ACSBG1: variants seen among roughly 807,000 people sequenced by gnomAD.
ACSBG1 encodes acyl-CoA synthetase bubblegum family member 1.
ACSBG1 carries 39 observed loss-of-function variants against 80.2 expected under a neutral mutation model. That is an observed-to-expected ratio of 0.49 (90% CI 0.38 to 0.64). The LOEUF is 0.64. ACSBG1 is among the 30% of genes least tolerant of loss of function. The probability of loss-of-function intolerance (pLI) is 0.00; values close to 1 mark genes in which losing one functional copy is unlikely to be tolerated. For missense variants in ACSBG1, 828 were observed against 966.4 expected, an observed-to-expected ratio of 0.86 and a Z score of 1.90; for synonymous variants, 392 against 379.5, an observed-to-expected ratio of 1.03 and a Z score of -0.38.
intron 5 of ACSBG1, among the ~76,000 whole-genome samples, chr15:78,190,807 T>G (rs1412689339): frequency 6.6e-6 from 1 of 151,862 alleles, no homozygotes; most frequent in Non-Finnish European, 1.5e-5. Context: ...CAAACACTGA[T>G]ATAGTAACAA....
rs888230780 is a variant in ACSBG1 at position 78,169,125 on chromosome 15, C to A, written c.*2319G>T. The A allele has an allele frequency of 3.6e-6, 2 of 555,644 alleles. No individual in the cohort carries two copies. Among genetic ancestry groups the A allele is most frequent in the Non-Finnish European group, 6.2e-6 (2 of 322,606 alleles). 34.4% of individuals were successfully genotyped at this position (555,644 alleles called of 1,614,324 possible). ...GTTTCTTGACAGTACATTTTTAGATCTGGCCTTTTCTTAACAAAATCTGTG... is the reference window on the plus strand; with the variant it reads ...GTTTCTTGACAGTACATTTTTAGATATGGCCTTTTCTTAACAAAATCTGTG... On this transcript the variant is annotated 3_prime_UTR_variant, in exon 14 of 14. Coordinates refer to ENST00000258873, the MANE Select transcript of ACSBG1 (RefSeq NM_015162.5).
intron 5 of ACSBG1, among the ~76,000 whole-genome samples, chr15:78,189,198 T>C (rs1211096218): frequency 7.3e-5 from 11 of 150,008 alleles, no homozygotes. Flanking sequence ...CGTGGAGAAA[T>C]AGGAACACTT....
intron 2 of ACSBG1, 49 bp downstream of exon 2, chr15:78,207,953 C>T: frequency 1.0e-6 from 1 of 994,758 alleles, no homozygotes; most frequent in African/African-American, 1.6e-5. Flanking sequence ...ACACCCAGCA[C>T]AGCACAGTTT....
chr15:78,228,954 A>AT (rs1212538323), intron 1 of ACSBG1, among the ~76,000 whole-genome samples: 1 of 151,794 alleles, frequency 6.6e-6, no homozygotes, highest in African/African-American at 2.4e-5. Context: ...GTTATATTCT[A>AT]TTTTTTTTAA....
intron 3 of ACSBG1, 64 bp downstream of exon 3, chr15:78,194,442 G>C: frequency 1.3e-6 from 2 of 1,511,338 alleles, no homozygotes; most frequent in Non-Finnish European, 1.8e-6. Flanking sequence ...GGAGGCCTGT[G>C]AGGCCCAGAG....
rs1382610293 is a variant in ACSBG1 at position 78,179,760 on chromosome 15, G to A, written c.1274C>T (p.Thr425Ile). 2.5e-6 allele frequency: 4 copies of A among 1,613,080 alleles called. No homozygotes were observed. Among genetic ancestry groups the A allele is most frequent in the Non-Finnish European group, 3.4e-6 (4 of 1,179,802 alleles). Residue 425 changes from threonine (T) to isoleucine (I), a missense_variant, in exon 10 of 14, where the codon ACC becomes ATC. Around this residue, in one of 3 missense-constraint regions of ACSBG1, gnomAD observed 271 missense variants for 375.9 expected, o/e 0.72. Coordinates refer to ENST00000258873, the MANE Select transcript of ACSBG1 (RefSeq NM_015162.5). ...TAGCACCAGGTAATCTGCCAGTCTGGTTGTGAAGGGCTTCAGGTCGCTGGT... is the reference window on the plus strand; with the variant it reads ...TAGCACCAGGTAATCTGCCAGTCTGATTGTGAAGGGCTTCAGGTCGCTGGT... ...CPGSDLKPFT[T>I]RLADYLVLAK... is the part of the protein sequence containing the mutation.
chr15:78,221,334 C>T (rs897065861), intron 1 of ACSBG1, among the ~76,000 whole-genome samples: 11 of 152,010 alleles, frequency 7.2e-5, no homozygotes, highest in African/African-American at 2.4e-4. Context: ...TAACAGAATC[C>T]GTGTCATAAA....
intron 2 of ACSBG1, among the ~76,000 whole-genome samples, chr15:78,198,319 G>A (rs2075133458): frequency 6.6e-6 from 1 of 151,686 alleles, no homozygotes; most frequent in Non-Finnish European, 1.5e-5. Context: ...GGGATTACAG[G>A]CGTGAGCCAC....
chr15:78,179,004 G>T, intron 10 of ACSBG1, 173 bp from the exon 11 acceptor site: 1 of 634,370 alleles, frequency 1.6e-6, no homozygotes, highest in South Asian at 2.0e-5. Flanking sequence ...CCAAGTAAAG[G>T]GTTTTAGGGA....
Position 78,168,982 on chromosome 15 carries a change from C to T in ACSBG1, c.*2462G>A, listed in dbSNP as rs116374996. 6,749 of 1,598,718 alleles carry T rather than the reference C, an allele frequency of 4.2e-3. 31 individuals are homozygous for T. Among genetic ancestry groups the T allele is most frequent in the Non-Finnish European group, 5.3e-3 (6,142 of 1,167,200 alleles). On this transcript the variant is annotated 3_prime_UTR_variant, in exon 14 of 14. Transcript: ENST00000258873. ...CTCAGACTTCACAGAGGAAATCTGT[C>T]GCCGAGTAAAAGATTTAGATTAACA... is the stretch of plus-strand genomic sequence containing the variant.
At chr15:78,185,530 T>C (rs1462836081) in intron 5 of ACSBG1, among the ~76,000 whole-genome samples, 1 of 152,078 alleles carries the variant, frequency 6.6e-6, no homozygotes, top group Non-Finnish European at 1.5e-5. Context: ...TGTGGGACAA[T>C]ATCAAAAAAT....
intron 2 of ACSBG1, among the ~76,000 whole-genome samples, chr15:78,200,618 C>G (rs1743974939): frequency 6.6e-6 from 1 of 152,168 alleles, no homozygotes; most frequent in Admixed American, 6.5e-5. Context: ...GTCTGCTGTT[C>G]CCACAGGGGT....
intron 1 of ACSBG1, among the ~76,000 whole-genome samples, chr15:78,229,414 C>A (rs1356266329): frequency 6.6e-6 from 1 of 152,220 alleles, no homozygotes; most frequent in African/African-American, 2.4e-5. Flanking sequence ...CACTTGTGTT[C>A]TTTCAGTGAC....
In ACSBG1 at chr15:78,232,721, G is replaced by A. The variant is rs146546315; in HGVS notation, c.131+1650C>T. ...TTTTTTGAGAAGGACTTTTGCTCTCGTGGCCCAGGCTGGAGTGCAGTGGCA... is the reference window on the plus strand; with the variant it reads ...TTTTTTGAGAAGGACTTTTGCTCTCATGGCCCAGGCTGGAGTGCAGTGGCA... On this transcript the variant is annotated intron_variant, in intron 1 of 13. Transcript: ENST00000258873. Among the ~76,000 whole-genome samples the A allele has an allele frequency of 1.8e-3, 274 of 149,024 alleles. 1 individual carries two copies. The highest frequency in any genetic ancestry group is 6.4e-3 in the African/African-American group (259 of 40,382).
chr15:78,174,504 C>T lies in ACSBG1; in HGVS notation c.1723G>A (p.Gly575Arg). The T allele has an allele frequency of 6.2e-7, 1 of 1,614,146 alleles. No individual in the cohort carries two copies. The highest frequency in any genetic ancestry group is 8.5e-7 in the Non-Finnish European group (1 of 1,180,020). ...RLKELIITAGGENVPPVPIEE... is the reference protein window; with the variant it reads ...RLKELIITAGRENVPPVPIEE... ...ATGGGCACAGGGGGCACATTCTCCC[C>T]ACCAGCTGTGATGATTAATTCTGGG... Residue 575 changes from glycine to arginine, a missense_variant, in exon 12 of 14, where the codon GGG becomes AGG. This residue lies in a region of ACSBG1 where 201 missense variants were observed against 227.0 expected (regional missense o/e 0.89). Transcript: ENST00000258873.
chr15:78,207,932 A>AC, intron 2 of ACSBG1, 70 bp downstream of exon 2: 1 of 264,834 alleles, frequency 3.8e-6, no homozygotes. Flanking sequence ...CACACCACCC[A>AC]CCCCTCCAGC....
chr15:78,196,595 A>G (rs8041851), intron 2 of ACSBG1, among the ~76,000 whole-genome samples: 11,602 of 152,164 alleles, frequency 0.076, 1,516 homozygotes, highest in African/African-American at 0.27. Flanking sequence ...GTACGACCCA[A>G]CAACTCCACT....
Position 78,182,225 on chromosome 15 carries a change from C to T in ACSBG1, c.895-80G>A, listed in dbSNP as rs1476400079. 46 of 1,526,700 alleles carry T rather than the reference C, an allele frequency of 3.0e-5. No homozygotes were observed. The Admixed American group carries it at 8.5e-4, about 28-fold the overall frequency. 94.6% of individuals were successfully genotyped at this position (1,526,700 alleles called of 1,614,324 possible). A position where few individuals can be genotyped will look rare whatever the true frequency, so the allele number is the denominator to read the frequency against. On this transcript the variant is annotated intron_variant, in intron 7 of 13. Coordinates refer to ENST00000258873, the MANE Select transcript of ACSBG1 (RefSeq NM_015162.5). Reference sequence around the variant, plus strand: ...CTCACAACTGTGGCCACCCTGGGGGCCAGCCCCAGTGTGGTGCCCCCTGTG... The same window carrying T: ...CTCACAACTGTGGCCACCCTGGGGGTCAGCCCCAGTGTGGTGCCCCCTGTG...
In ACSBG1 at chr15:78,173,843, A is replaced by T; in HGVS notation, c.1843-4T>A. 6.2e-7 allele frequency: 1 copy of T among 1,613,334 alleles called. No homozygotes were observed. Among genetic ancestry groups the T allele is most frequent in the Non-Finnish European group, 8.5e-7 (1 of 1,179,694 alleles). ...AGGTGTCTGGGTCCAGAGTGCACTGAAAAGCCAGAGATCAGATGAGGACCA... is the reference window on the plus strand; with the variant it reads ...AGGTGTCTGGGTCCAGAGTGCACTGTAAAGCCAGAGATCAGATGAGGACCA... On this transcript the variant is annotated splice_polypyrimidine_tract_variant and splice_region_variant and intron_variant, in intron 12 of 13. Coordinates refer to ENST00000258873, the MANE Select transcript of ACSBG1 (RefSeq NM_015162.5).
Sources: gnomAD v4.1 joint callset for allele counts (sites outside exome capture counted in the v4.1 genomes callset) on GRCh38, gnomAD v4.1.1 for gene constraint, gnomAD v4.1.1 regional missense constraint, MANE v1.5 for transcripts, NCBI Gene and HGNC (gene_info 2026-07-23, HGNC 2026-07-21) for gene names.